The following MIGA2 variants were observed in gnomAD, a reference collection of about 807,000 sequenced individuals.
MIGA2 encodes family with sequence similarity 73, member B.
A neutral mutation model predicts 69.9 loss-of-function variants in MIGA2; 36 were observed. The observed-to-expected ratio is 0.52, with a 90% confidence interval of 0.39 to 0.68. MIGA2 has a LOEUF of 0.68. MIGA2 is among the 30% of genes least tolerant of loss of function. The pLI is 0.00. For synonymous variants in MIGA2, 333 were observed against 349.2 expected, an observed-to-expected ratio of 0.95 and a Z score of 0.52; for missense variants, 660 against 787.7, an observed-to-expected ratio of 0.84 and a Z score of 1.94.
intron 2 of MIGA2, among the ~76,000 whole-genome samples, chr9:129,041,164 ATC>A (rs1844884574): frequency 1.3e-5 from 2 of 152,172 alleles, no homozygotes; most frequent in Non-Finnish European, 2.9e-5. Context: ...GTGAAACGCT[ATC>A]TCTACCAAAA....
At chr9:129,040,253 C>G (rs974086371) in intron 1 of MIGA2, among the ~76,000 whole-genome samples, 199 bp from the exon 2 acceptor site, 22 of 152,178 alleles carry the variant, frequency 1.4e-4, no homozygotes, top group Admixed American at 6.5e-5. Context: ...CTCGCAGGGC[C>G]CCTGGTAGGC....
In MIGA2 at chr9:129,048,427, G is replaced by A. The variant is rs777863971; in HGVS notation, c.308G>A (p.Gly103Glu). 5 of 1,613,750 alleles carry A rather than the reference G, an allele frequency of 3.1e-6. No individual in the cohort carries two copies. The highest frequency in any genetic ancestry group is 2.2e-5 in the East Asian group (1 of 44,870). Residue 103 changes from glycine to glutamate, a missense_variant and splice_region_variant, in exon 4 of 16, where the codon GGA (glycine) becomes GAA (glutamate). By Grantham distance (98) the Gly-to-Glu change is moderately conservative. This residue lies in a region of MIGA2 where 386 missense variants were observed against 402.0 expected (regional missense o/e 0.96). Coordinates refer to ENST00000684074, the MANE Select transcript of MIGA2 (RefSeq NM_001329990.2). ...ACGCCTGCCCTTCTGCTCCTCACAG[G>A]ATACTCCAGCCGGAGAGTCCAGAGC... ...LARKVPSVKKGYSSRRVQSPS... is the reference protein window; with the variant it reads ...LARKVPSVKKEYSSRRVQSPS...
Position 129,060,527 on chromosome 9 carries a change from C to T in MIGA2, c.794-23C>T. ...CACTGTGTGGGGAGTCTCAGCCCCG[C>T]TTTCTCTCACTGCTCTTCCCAGAGA... is the stretch of plus-strand genomic sequence containing the variant. On this transcript the variant is annotated intron_variant, in intron 7 of 15. Coordinates refer to ENST00000684074, the MANE Select transcript of MIGA2 (RefSeq NM_001329990.2). The surrounding 1 kb of genome is among the most constrained non-coding windows in gnomAD (Gnocchi z 4.8). 6.4e-7 allele frequency: 1 copy of T among 1,563,788 alleles called. No individual in the cohort carries two copies. Among genetic ancestry groups the T allele is most frequent in the Non-Finnish European group, 8.7e-7 (1 of 1,151,410 alleles).
intron 6 of MIGA2, 98 bp downstream of exon 6, chr9:129,050,061 CTG>C (rs1845439939): frequency 7.0e-7 from 1 of 1,435,252 alleles, no homozygotes; most frequent in Non-Finnish European, 9.4e-7. Flanking sequence ...CTCCTGTCCT[CTG>C]AGACTGCTGA....
intron 6 of MIGA2, among the ~76,000 whole-genome samples, chr9:129,055,314 G>A (rs903448728): frequency 2.0e-5 from 3 of 151,876 alleles, no homozygotes; most frequent in Non-Finnish European, 4.4e-5. Flanking sequence ...CTGACCTCAG[G>A]TGATCCACCT....
chr9:129,040,966 G>A (rs1844872681), intron 2 of MIGA2, among the ~76,000 whole-genome samples: 1 of 152,140 alleles, frequency 6.6e-6, no homozygotes, highest in South Asian at 2.1e-4. Context: ...CGGGACGGGC[G>A]GATCACCTGA....
chr9:129,042,209 G>A (rs1442803649), intron 2 of MIGA2, 95 bp from the exon 3 acceptor site: 1 of 1,232,330 alleles, frequency 8.1e-7, no homozygotes, highest in Non-Finnish European at 1.2e-6. Flanking sequence ...CGGAGAGCCG[G>A]TGTGTGTCCC....
intron 6 of MIGA2, among the ~76,000 whole-genome samples, chr9:129,058,590 C>T (rs1277046587): frequency 1.3e-5 from 2 of 150,158 alleles, no homozygotes; most frequent in Non-Finnish European, 3.0e-5. Context: ...ACCTCTGCCT[C>T]CCAGGTTCAA....
At chr9:129,048,330 A>G in intron 3 of MIGA2, 97 bp from the exon 4 acceptor site, 1 of 1,032,088 alleles carries the variant, frequency 9.7e-7, no homozygotes, top group Non-Finnish European at 1.5e-6. Context: ...ACCGATTCCC[A>G]GATGAGGAAG....
In MIGA2 at chr9:129,051,988, G is replaced by A. The variant is rs189152359; in HGVS notation, c.675+2025G>A. Among the ~76,000 whole-genome samples the A allele has an allele frequency of 4.1e-4, 62 of 152,198 alleles. No individual in the cohort carries two copies. The East Asian group carries it at 0.011, about 26-fold the overall frequency. On this transcript the variant is annotated intron_variant, in intron 6 of 15. Transcript: ENST00000684074. ...CTACAGGTGCCTACCACCACGCCCA[G>A]CTAATTTTTTTGTATTTTTAGCAGA...
At chr9:129,062,330 A>G (rs1013346362) in intron 9 of MIGA2, among the ~76,000 whole-genome samples, 15 of 152,004 alleles carry the variant, frequency 9.9e-5, no homozygotes, top group Non-Finnish European at 1.8e-4. Context: ...CAGGAGTTCA[A>G]GACCAAGCTG....
intron 11 of MIGA2, 53 bp downstream of exon 11, chr9:129,063,684 T>TCC: frequency 6.3e-7 from 1 of 1,590,262 alleles, no homozygotes; most frequent in Non-Finnish European, 8.6e-7. Context: ...CCACAGAGGG[T>TCC]CCCCCTGAAC....
rs180842853 is a variant in MIGA2 at position 129,049,306 on chromosome 9, G to C, written c.421-75G>C. On this transcript the variant is annotated intron_variant, in intron 4 of 15. Coordinates refer to ENST00000684074, the MANE Select transcript of MIGA2 (RefSeq NM_001329990.2). ...GCGTGTGGCCCATGGTCAGGCAGTGGAGGAGGGCTCAGGGGGGCCCTGCAG... is the reference window on the plus strand; with the variant it reads ...GCGTGTGGCCCATGGTCAGGCAGTGCAGGAGGGCTCAGGGGGGCCCTGCAG... 3.7e-4 allele frequency: 521 copies of C among 1,424,508 alleles called. 2 individuals are homozygous for C. The highest frequency in any genetic ancestry group is 5.3e-4 in the Middle Eastern group (3 of 5,634). 88.2% of individuals were successfully genotyped at this position (1,424,508 alleles called of 1,614,324 possible).
chr9:129,041,922 G>A (rs979968709), intron 2 of MIGA2, among the ~76,000 whole-genome samples: 1 of 152,190 alleles, frequency 6.6e-6, no homozygotes, highest in African/African-American at 2.4e-5. Flanking sequence ...TTGAGTATAT[G>A]TCTTCATGTG....
At chr9:129,040,359 C>T (rs1246200707) in intron 1 of MIGA2, 93 bp from the exon 2 acceptor site, 3 of 924,216 alleles carry the variant, frequency 3.2e-6, no homozygotes, top group East Asian at 7.8e-5. Flanking sequence ...AGCTTTGCTC[C>T]TGCCTCCTCC....
At position 129,070,584 on chromosome 9, in the gene MIGA2, A is replaced by G. The variant is rs938466672; in HGVS notation, c.*131A>G. 16 of 983,552 alleles carry G rather than the reference A, an allele frequency of 1.6e-5. No homozygotes were observed. The highest frequency in any genetic ancestry group is 1.1e-4 in the East Asian group (4 of 37,828). The allele number at this position is 983,552 out of a possible 1,614,324, so 60.9% of individuals were successfully genotyped here. A position where few individuals can be genotyped will look rare whatever the true frequency, so the allele number is the denominator to read the frequency against. On this transcript the variant is annotated 3_prime_UTR_variant, in exon 16 of 16. Transcript: ENST00000684074. ...CACCCCCATCATCTGGGAGTCCCCA[A>G]GGCCCAGAGGGGACATTTCCATGGA...
At chr9:129,055,710 G>A (rs541606323) in intron 6 of MIGA2, among the ~76,000 whole-genome samples, 33 of 152,098 alleles carry the variant, frequency 2.2e-4, no homozygotes, top group African/African-American at 7.9e-4. Flanking sequence ...TTAGCCGGGC[G>A]TAGTGGCGGG....
intron 3 of MIGA2, among the ~76,000 whole-genome samples, chr9:129,042,903 T>C (rs756653430): frequency 5.3e-5 from 8 of 152,034 alleles, no homozygotes; most frequent in South Asian, 2.1e-4. Flanking sequence ...CTCTTAAAAA[T>C]TGAGGTTTAG....
chr9:129,046,376 A>G (rs1269983921), intron 3 of MIGA2, among the ~76,000 whole-genome samples: 2 of 152,016 alleles, frequency 1.3e-5, no homozygotes, highest in African/African-American at 4.8e-5. Flanking sequence ...TTGTACCTGT[A>G]ATCCCAGTAC....
Sources: allele counts gnomAD v4.1 joint callset (sites outside exome capture counted in the v4.1 genomes callset), GRCh38; gene constraint gnomAD v4.1.1; regional missense constraint gnomAD v4.1.1; non-coding constraint Gnocchi (gnomAD v3.1); transcripts MANE v1.5; gene names NCBI Gene and HGNC (gene_info 2026-07-23, HGNC 2026-07-21).